The following SORCS3 variants were observed in gnomAD, a reference collection of about 807,000 sequenced individuals.
SORCS3 encodes VPS10 domain-containing receptor SorCS3.
SORCS3 carries 57 observed loss-of-function variants against 146.3 expected under a neutral mutation model. That is an observed-to-expected ratio of 0.39 (90% CI 0.31 to 0.49). SORCS3 has a LOEUF of 0.49. SORCS3 is among the 20% of genes least tolerant of loss of function. The pLI, the probability that SORCS3 is intolerant of heterozygous loss-of-function variation, is 0.92. For synonymous variants in SORCS3, 653 were observed against 618.5 expected, an observed-to-expected ratio of 1.06 and a Z score of -0.83; for missense variants, 1,341 against 1,575.5, an observed-to-expected ratio of 0.85 and a Z score of 2.52.
chr10:104,847,281 A>C (rs2018216498), intron 2 of SORCS3, among the ~76,000 whole-genome samples: 1 of 152,174 alleles, frequency 6.6e-6, no homozygotes, highest in Non-Finnish European at 1.5e-5. Flanking sequence ...TTAAATCTTT[A>C]CTTTTGAACA....
At chr10:105,089,954 GC>G in intron 6 of SORCS3, 115 bp downstream of exon 6, 1 of 768,050 alleles carries the variant, frequency 1.3e-6, no homozygotes, top group Non-Finnish European at 2.2e-6. Flanking sequence ...CTCCATTACA[GC>G]CACATCCATC....
At chr10:105,193,128 GCTTACTCAGGC>G (rs2056525894) in intron 14 of SORCS3, among the ~76,000 whole-genome samples, 1 of 152,040 alleles carries the variant, frequency 6.6e-6, no homozygotes, top group African/African-American at 2.4e-5. Context: ...TTCCTGAAAG[GCTTACTCAGGC>G]CTGAATGGTG....
intron 14 of SORCS3, among the ~76,000 whole-genome samples, chr10:105,178,584 C>G (rs950876419): frequency 6.6e-6 from 1 of 151,576 alleles, no homozygotes; most frequent in African/African-American, 2.4e-5. Context: ...AGAGATGTCT[C>G]TTTCTCTCTC....
At chr10:105,028,060 A>C (rs1182096977) in intron 4 of SORCS3, among the ~76,000 whole-genome samples, 1 of 152,236 alleles carries the variant, frequency 6.6e-6, no homozygotes, top group African/African-American at 2.4e-5. Context: ...TCACTAAATC[A>C]GGTTTTGCAG....
chr10:104,846,703 C>A (rs114208269), intron 2 of SORCS3, among the ~76,000 whole-genome samples: 5 of 152,270 alleles, frequency 3.3e-5, no homozygotes, highest in African/African-American at 1.2e-4. Flanking sequence ...TGGTGGTGGC[C>A]AAGGTTATTT....
intron 19 of SORCS3, among the ~76,000 whole-genome samples, chr10:105,221,761 G>C (rs1271270535): frequency 6.6e-6 from 1 of 152,118 alleles, no homozygotes; most frequent in African/African-American, 2.4e-5. Flanking sequence ...TACAGTTGTG[G>C]CTTAAGAACT....
chr10:104,874,472 C>G (rs1256549333), intron 2 of SORCS3, among the ~76,000 whole-genome samples: 3 of 152,178 alleles, frequency 2.0e-5, no homozygotes, highest in Admixed American at 6.5e-5. Flanking sequence ...GCCTTTCCAA[C>G]GTGTACTACT....
At chr10:105,193,803 C>T (rs998846942) in intron 14 of SORCS3, among the ~76,000 whole-genome samples, 3 of 152,116 alleles carry the variant, frequency 2.0e-5, no homozygotes, top group African/African-American at 7.2e-5. Flanking sequence ...CCAGACCACC[C>T]ATATGTTAAC....
chr10:104,672,338 A>G (rs1007561959), intron 1 of SORCS3, among the ~76,000 whole-genome samples: 2 of 151,856 alleles, frequency 1.3e-5, no homozygotes, highest in African/African-American at 4.8e-5. Flanking sequence ...TTTTTATTTT[A>G]GTGATTTGAG....
intron 1 of SORCS3, among the ~76,000 whole-genome samples, chr10:104,785,462 T>C (rs1423947461): frequency 7.0e-6 from 1 of 142,546 alleles, no homozygotes; most frequent in Non-Finnish European, 1.5e-5. Flanking sequence ...CGCAGGGTCC[T>C]CTGCCTAGGA....
intron 2 of SORCS3, among the ~76,000 whole-genome samples, chr10:104,843,436 C>T (rs562106928): frequency 1.1e-3 from 162 of 152,298 alleles, no homozygotes; most frequent in African/African-American, 3.8e-3. Context: ...ATAAAGACAA[C>T]TACATTAATA....
chr10:105,146,270 C>A (rs1483990687), intron 8 of SORCS3, among the ~76,000 whole-genome samples: 1 of 152,096 alleles, frequency 6.6e-6, no homozygotes, highest in Non-Finnish European at 1.5e-5. Context: ...TGCCTACCTA[C>A]ACAGGCAAAT....
At chr10:105,094,865 T>C (rs1441741872) in intron 6 of SORCS3, among the ~76,000 whole-genome samples, 2 of 152,114 alleles carry the variant, frequency 1.3e-5, no homozygotes, top group African/African-American at 2.4e-5. Flanking sequence ...AGGCTGTAAA[T>C]TATAATCTGG....
At chr10:104,655,722 G>C (rs182500493) in intron 1 of SORCS3, among the ~76,000 whole-genome samples, 29 of 152,262 alleles carry the variant, frequency 1.9e-4, no homozygotes, top group African/African-American at 6.0e-4. Context: ...CCTTGTGACA[G>C]TGAGTGAGTT....
chr10:104,691,721 T>C (rs919982680), intron 1 of SORCS3, among the ~76,000 whole-genome samples: 1 of 152,192 alleles, frequency 6.6e-6, no homozygotes, highest in Non-Finnish European at 1.5e-5. Flanking sequence ...ATGAACTATA[T>C]AATGTGTGTT....
chr10:105,196,763 A>G (rs1428557554), intron 14 of SORCS3, among the ~76,000 whole-genome samples: 1 of 152,124 alleles, frequency 6.6e-6, no homozygotes, highest in Admixed American at 6.5e-5. Context: ...GAGTTCTTAC[A>G]CTGCAGTTTG....
intron 14 of SORCS3, among the ~76,000 whole-genome samples, chr10:105,197,806 C>A (rs2056552075): frequency 6.6e-6 from 1 of 152,146 alleles, no homozygotes; most frequent in African/African-American, 2.4e-5. Context: ...TCTGTCACGA[C>A]CTTATTGAGT....
At chr10:105,174,560 C>T (rs981023040) in intron 13 of SORCS3, among the ~76,000 whole-genome samples, 1 of 151,978 alleles carries the variant, frequency 6.6e-6, no homozygotes, top group African/African-American at 2.4e-5. Context: ...GAGTTTTATT[C>T]TTCATAACTG....
intron 2 of SORCS3, among the ~76,000 whole-genome samples, chr10:104,864,255 T>A (rs1201229614): frequency 1.3e-5 from 2 of 152,186 alleles, no homozygotes; most frequent in African/African-American, 4.8e-5. Context: ...AAAAAATTTT[T>A]AAAAAGATTT....
Sources: gnomAD v4.1 joint callset for allele counts (sites outside exome capture counted in the v4.1 genomes callset) on GRCh38, gnomAD v4.1.1 for gene constraint, MANE v1.5 for transcripts, NCBI Gene and HGNC (gene_info 2026-07-23, HGNC 2026-07-21) for gene names.